ZNF599: variants seen among roughly 807,000 people sequenced by gnomAD.
The protein encoded by ZNF599 is zinc finger protein 599.
In ZNF599, 10 loss-of-function variants were observed where a neutral mutation model predicts 11.7. The observed-to-expected ratio is 0.86, with a 90% CI of 0.53 to 1.45. The LOEUF is 1.45. Ranked by LOEUF, ZNF599 falls within the 40% of genes most tolerant of loss-of-function variation. ZNF599 has a pLI of 0.00. For synonymous variants in ZNF599, 232 were observed against 253.2 expected, an observed-to-expected ratio of 0.92 and a Z score of 0.79; for missense variants, 688 against 713.6, an observed-to-expected ratio of 0.96 and a Z score of 0.41.
chr19:34,790,526 A>G, the ZNF599 span, among the ~76,000 whole-genome samples: 1 of 152,232 alleles, frequency 6.6e-6, no homozygotes, highest in Non-Finnish European at 1.5e-5. Flanking sequence ...AGAAAGACAA[A>G]CACTGTGTGA....
chr19:34,797,922 T>C, the ZNF599 span, among the ~76,000 whole-genome samples: 1 of 152,262 alleles, frequency 6.6e-6, no homozygotes, highest in East Asian at 1.9e-4. Context: ...TATAGCCCTA[T>C]CTTATCCGTA....
the ZNF599 span, among the ~76,000 whole-genome samples, chr19:34,807,432 G>A: frequency 6.6e-6 from 1 of 152,286 alleles, no homozygotes; most frequent in East Asian, 1.9e-4. Flanking sequence ...AGATCACAAT[G>A]GGTGGCACCC....
chr19:34,769,642 G>A (rs974651106), intron 1 of ZNF599, 87 bp from the exon 2 acceptor site: 1 of 1,517,310 alleles, frequency 6.6e-7, no homozygotes, highest in Non-Finnish European at 8.9e-7. Flanking sequence ...AAAGGGTCCA[G>A]AGACCCTGAA....
At chr19:34,795,862 C>T in the ZNF599 span, among the ~76,000 whole-genome samples, 3 of 151,998 alleles carry the variant, frequency 2.0e-5, no homozygotes, top group Non-Finnish European at 4.4e-5. Flanking sequence ...GCTCTTGTTG[C>T]CCAGGCTGGA....
At chr19:34,784,243 T>C in the ZNF599 span, among the ~76,000 whole-genome samples, 9 of 152,160 alleles carry the variant, frequency 5.9e-5, no homozygotes, top group South Asian at 1.9e-3. Flanking sequence ...ATGGCCATCT[T>C]CTCCCTGGGT....
upstream of ZNF599, among the ~76,000 whole-genome samples, chr19:34,776,518 A>T (rs900409246): frequency 4.4e-4 from 67 of 152,238 alleles, no homozygotes; most frequent in African/African-American, 1.4e-3. Context: ...GGAGTTTTAT[A>T]AACTAATTAG....
At chr19:34,804,290 G>A in the ZNF599 span, among the ~76,000 whole-genome samples, 1 of 152,216 alleles carries the variant, frequency 6.6e-6, no homozygotes, top group African/African-American at 2.4e-5. Flanking sequence ...CTATGCTTCT[G>A]TATCCACATG....
At chr19:34,765,093 T>TA (rs1568493572) in intron 3 of ZNF599, 1 of 152,170 alleles carries the variant, frequency 6.6e-6, no homozygotes, top group South Asian at 2.1e-4. Context: ...CATTTTTTTT[T>TA]AATGTTGAGT....
At chr19:34,767,186 G>T (rs1402161370) in intron 3 of ZNF599, 130 bp downstream of exon 3, 2 of 643,944 alleles carry the variant, frequency 3.1e-6, no homozygotes, top group East Asian at 2.7e-5. Flanking sequence ...GAAGACGGGG[G>T]ACCATGGGGT....
chr19:34,765,767 T>A (rs1019014667), intron 3 of ZNF599: 12 of 678,754 alleles, frequency 1.8e-5, no homozygotes, highest in Non-Finnish European at 3.2e-5. Flanking sequence ...CGGTGATACA[T>A]GGAACATGTG....
chr19:34,759,776 C>T lies in ZNF599; in HGVS notation c.1025G>A (p.Gly342Asp), dbSNP rs557904206. The T allele has an allele frequency of 4.3e-6, 7 of 1,614,148 alleles. No individual in the cohort carries two copies. The Admixed American group carries it at 5.0e-5, about 12-fold the overall frequency. Residue 342 changes from glycine (G) to aspartate (D), a missense_variant, in exon 4 of 4, where the codon GGT becomes GAT. Physicochemically the swap from Gly to Asp is moderately conservative, Grantham distance 94. Transcript: ENST00000329285. ...IHTGKKLYECGECGKAFTHRS... is the reference protein window; with the variant it reads ...IHTGKKLYECDECGKAFTHRS... ...GTGCGTGAAGGCCTTTCCACATTCA[C>T]CGCACTCATAGAGTTTCTTTCCAGT...
chr19:34,791,248 G>A, the ZNF599 span, among the ~76,000 whole-genome samples: 1 of 152,188 alleles, frequency 6.6e-6, no homozygotes, highest in East Asian at 1.9e-4. Flanking sequence ...CAACAGAGTG[G>A]CAACAGCAAT....
the ZNF599 span, among the ~76,000 whole-genome samples, chr19:34,801,953 G>A: frequency 1.3e-5 from 2 of 152,220 alleles, no homozygotes; most frequent in Non-Finnish European, 2.9e-5. Context: ...AAGGCAAAAT[G>A]TCTTTCAAGA....
chr19:34,790,806 T>G, the ZNF599 span, among the ~76,000 whole-genome samples: 5 of 152,202 alleles, frequency 3.3e-5, no homozygotes, highest in Non-Finnish European at 7.3e-5. Context: ...TTAATTAGCT[T>G]GATGTAATCC....
the ZNF599 span, among the ~76,000 whole-genome samples, chr19:34,794,502 G>C: frequency 6.6e-6 from 1 of 151,962 alleles, no homozygotes; most frequent in Non-Finnish European, 1.5e-5. Flanking sequence ...CTGGTGCTCA[G>C]AAAACAAGTC....
chr19:34,765,989 T>C (rs1335226317), intron 3 of ZNF599, among the ~76,000 whole-genome samples: 1 of 152,144 alleles, frequency 6.6e-6, no homozygotes, highest in Non-Finnish European at 1.5e-5. Flanking sequence ...ATATTGGGTA[T>C]GAGGGAGATG....
the ZNF599 span, among the ~76,000 whole-genome samples, chr19:34,800,586 G>GTTTTCTTTTTTT: frequency 1.8e-5 from 2 of 112,978 alleles, no homozygotes; most frequent in African/African-American, 3.4e-5. Flanking sequence ...CATTTCCTTT[G>GTTTTCTTTTTTT]TTTTTTTTTT....
chr19:34,797,930 G>A, the ZNF599 span, among the ~76,000 whole-genome samples: 2,059 of 152,252 alleles, frequency 0.014, 45 homozygotes, highest in African/African-American at 0.047. Flanking sequence ...TATCTTATCC[G>A]TATGAACAGG....
At chr19:34,778,147 A>G (rs1313786245), upstream of ZNF599, among the ~76,000 whole-genome samples, 2 of 152,102 alleles carry the variant, frequency 1.3e-5, no homozygotes, top group African/African-American at 4.8e-5. Context: ...ACCTCAATAG[A>G]GCTGTTAAAA....
Sources: allele counts gnomAD v4.1 joint callset (sites outside exome capture counted in the v4.1 genomes callset), GRCh38; gene constraint gnomAD v4.1.1; transcripts MANE v1.5; gene names NCBI Gene and HGNC (gene_info 2026-07-23, HGNC 2026-07-21).